The following IPCEF1 variants were observed in gnomAD, a reference collection of about 807,000 sequenced individuals.
The protein encoded by IPCEF1 is interactor protein for cytohesin exchange factors 1.
Under a neutral mutation model 50.9 loss-of-function variants are expected in IPCEF1, and 31 were observed. That is an observed-to-expected ratio of 0.61 (90% CI 0.46 to 0.82). The LOEUF is 0.82. Ranked by LOEUF, IPCEF1 falls within the 40% of genes least tolerant of loss-of-function variation. IPCEF1 has a pLI of 0.00. For synonymous variants in IPCEF1, 181 were observed against 192.0 expected (o/e 0.94, Z 0.47); for missense variants, 458 against 514.0 (o/e 0.89, Z 1.05).
At chr6:154,323,785 T>G (rs1449096401) in intron 1 of IPCEF1, among the ~76,000 whole-genome samples, 2 of 152,176 alleles carry the variant, frequency 1.3e-5, no homozygotes, top group Non-Finnish European at 2.9e-5. Flanking sequence ...AAACCCTGTC[T>G]CTACTAAAAA....
At chr6:154,302,852 T>C (rs1408125763) in intron 1 of IPCEF1, among the ~76,000 whole-genome samples, 1 of 152,110 alleles carries the variant, frequency 6.6e-6, no homozygotes, top group Non-Finnish European at 1.5e-5. Context: ...TGACATAATT[T>C]TCATGAATTT....
At chr6:154,295,950 C>T (rs1782646651) in intron 1 of IPCEF1, among the ~76,000 whole-genome samples, 1 of 152,080 alleles carries the variant, frequency 6.6e-6, no homozygotes, top group Non-Finnish European at 1.5e-5. Context: ...TAGCAGTTGG[C>T]TGGCCGCCAT....
At chr6:154,220,385 C>T (rs1030179915) in intron 7 of IPCEF1, among the ~76,000 whole-genome samples, 4 of 152,170 alleles carry the variant, frequency 2.6e-5, no homozygotes, top group African/African-American at 4.8e-5. Context: ...TGACCAGGTG[C>T]GGTGGCTTAC....
intron 7 of IPCEF1, among the ~76,000 whole-genome samples, chr6:154,215,330 C>T (rs944494213): frequency 1.3e-5 from 2 of 152,186 alleles, no homozygotes; most frequent in Middle Eastern, 3.4e-3. Context: ...AATTCAATGC[C>T]GGGAGCGGTG....
chr6:154,260,725 C>T (rs13216487), intron 3 of IPCEF1, among the ~76,000 whole-genome samples: 1 of 151,922 alleles, frequency 6.6e-6, no homozygotes, highest in Non-Finnish European at 1.5e-5. Context: ...CCTGTCTCGG[C>T]CTCCCAAAGT....
intron 1 of IPCEF1, among the ~76,000 whole-genome samples, chr6:154,338,160 A>G (rs13195614): frequency 6.6e-6 from 1 of 152,070 alleles, no homozygotes; most frequent in Non-Finnish European, 1.5e-5. Context: ...CTGCTCCTTC[A>G]TGCCTCCCAG....
chr6:154,239,773 G>A lies in IPCEF1; in HGVS notation c.246+6818C>T, dbSNP rs574297188. Among the ~76,000 whole-genome samples the A allele has an allele frequency of 2.0e-5, 3 of 152,120 alleles. No homozygotes were observed. In the South Asian group the frequency reaches 6.2e-4, roughly 32 times the overall value. On this transcript the variant is annotated intron_variant, in intron 5 of 11. Coordinates refer to ENST00000367220, the MANE Select transcript of IPCEF1 (RefSeq NM_001130700.2). ...GGCTGGAGTGCAGTGATGTGATCTC[G>A]GCTAACTGCAACCTCCGCCTCCCAT...
chr6:154,205,281 T>A (rs552742189), intron 9 of IPCEF1, among the ~76,000 whole-genome samples: 6 of 152,210 alleles, frequency 3.9e-5, no homozygotes, highest in Non-Finnish European at 7.3e-5. Flanking sequence ...CCCTGTATTT[T>A]TTTTTAATAA....
chr6:154,184,570 G>GA (rs1342850948), intron 10 of IPCEF1, among the ~76,000 whole-genome samples: 1 of 151,820 alleles, frequency 6.6e-6, no homozygotes, highest in Non-Finnish European at 1.5e-5. Context: ...TTGGTACATA[G>GA]AAAAAATACA....
At chr6:154,285,314 T>C (rs754320331) in intron 2 of IPCEF1, among the ~76,000 whole-genome samples, 14 of 152,200 alleles carry the variant, frequency 9.2e-5, no homozygotes, top group Non-Finnish European at 1.6e-4. Context: ...TTCTTTTCTT[T>C]TCCCTTTTCC....
intron 10 of IPCEF1, among the ~76,000 whole-genome samples, chr6:154,171,987 G>C (rs1416485668): frequency 2.0e-5 from 3 of 152,118 alleles, no homozygotes; most frequent in African/African-American, 7.2e-5. Context: ...AACCAAACAA[G>C]AGTATGACAA....
chr6:154,270,129 T>C (rs896844945), intron 2 of IPCEF1, among the ~76,000 whole-genome samples: 4 of 152,216 alleles, frequency 2.6e-5, no homozygotes, highest in African/African-American at 9.6e-5. Flanking sequence ...GAATGAATTT[T>C]TGAATTACCA....
intron 11 of IPCEF1, among the ~76,000 whole-genome samples, chr6:154,162,950 C>T (rs1184254735): frequency 2.0e-5 from 3 of 152,200 alleles, no homozygotes; most frequent in Non-Finnish European, 2.9e-5. Context: ...CCGGTTCCTA[C>T]CGTAGTCTTC....
intron 1 of IPCEF1, among the ~76,000 whole-genome samples, chr6:154,304,672 A>G (rs550323305): frequency 1.3e-5 from 2 of 152,322 alleles, no homozygotes; most frequent in African/African-American, 4.8e-5. Flanking sequence ...AAATCCATAG[A>G]CAGTCAGTTA....
At chr6:154,161,029 C>A (rs552682861) in intron 11 of IPCEF1, among the ~76,000 whole-genome samples, 1 of 152,238 alleles carries the variant, frequency 6.6e-6, no homozygotes, top group South Asian at 2.1e-4. Context: ...TTCCTTTTGA[C>A]TTCCCAGTCT....
chr6:154,333,771 G>A (rs1297282368), intron 1 of IPCEF1, among the ~76,000 whole-genome samples: 2 of 147,002 alleles, frequency 1.4e-5, no homozygotes, highest in Non-Finnish European at 2.9e-5. Flanking sequence ...GTGTATATAT[G>A]TATGTGTGTA....
rs539306554 is a variant in IPCEF1, at chr6:154,306,139, C to T, written c.-61-16383G>A. On this transcript the variant is annotated intron_variant, in intron 1 of 11. Transcript: ENST00000367220. ...GCTTCCTTCTCCTGCCTGCCCACCC[C>T]GACATCTAACTCTGGAAGTCGCCCC... Among the ~76,000 whole-genome samples, 33 of 152,274 alleles carry T rather than the reference C, an allele frequency of 2.2e-4. 1 individual carries two copies. The South Asian group carries it at 5.4e-3, about 25-fold the overall frequency.
intron 1 of IPCEF1, among the ~76,000 whole-genome samples, chr6:154,297,058 C>CT (rs1357043143): frequency 6.6e-6 from 1 of 151,444 alleles, no homozygotes; most frequent in Admixed American, 6.6e-5. Flanking sequence ...CTCTCTCTCT[C>CT]TTTTTTTTAA....
intron 11 of IPCEF1, among the ~76,000 whole-genome samples, chr6:154,163,911 G>GA (rs1799222164): frequency 6.6e-6 from 1 of 152,242 alleles, no homozygotes; most frequent in East Asian, 1.9e-4. Flanking sequence ...CCAAAATGGA[G>GA]AAAAAACAGT....
Sources: gnomAD v4.1 joint callset for allele counts (sites outside exome capture counted in the v4.1 genomes callset) on GRCh38, gnomAD v4.1.1 for gene constraint, MANE v1.5 for transcripts, NCBI Gene and HGNC (gene_info 2026-07-23, HGNC 2026-07-21) for gene names.